The following PTPRB variants were observed in gnomAD, a reference collection of about 807,000 sequenced individuals.
The protein encoded by PTPRB is receptor-type tyrosine-protein phosphatase beta.
A neutral mutation model predicts 238.1 loss-of-function variants in PTPRB; 97 were observed. The ratio of observed to expected loss-of-function variants is 0.41; its 90% CI spans 0.35 to 0.48. The LOEUF (loss-of-function observed/expected upper bound fraction) is 0.48, where lower values mean the gene tolerates loss of function less well. Ranked by LOEUF, PTPRB falls within the 20% of genes least tolerant of loss-of-function variation. The probability of loss-of-function intolerance (pLI) is 0.30; values close to 1 mark genes in which losing one functional copy is unlikely to be tolerated. For synonymous variants in PTPRB, 970 were observed against 995.4 expected (o/e 0.97, Z 0.48); for missense variants, 2,292 against 2,681.9 (o/e 0.85, Z 3.21).
intron 9 of PTPRB, among the ~76,000 whole-genome samples, chr12:70,584,300 C>A (rs766308526): frequency 2.0e-5 from 3 of 151,742 alleles, no homozygotes; most frequent in Non-Finnish European, 4.4e-5. Context: ...TCTAGAATAC[C>A]AGAAGATGAC....
intron 3 of PTPRB, among the ~76,000 whole-genome samples, chr12:70,619,140 G>A (rs1422376512): frequency 6.7e-6 from 1 of 148,672 alleles, no homozygotes; most frequent in East Asian, 2.0e-4. Context: ...GAGAATATGT[G>A]ACTAGATGTT....
intron 21 of PTPRB, among the ~76,000 whole-genome samples, chr12:70,551,656 T>A (rs1876896063): frequency 6.6e-6 from 1 of 152,064 alleles, no homozygotes; most frequent in South Asian, 2.1e-4. Context: ...AAAACCTAAT[T>A]TACTGCCATA....
intron 4 of PTPRB, among the ~76,000 whole-genome samples, chr12:70,600,409 G>GT (rs1565998804): frequency 2.0e-5 from 3 of 151,922 alleles, no homozygotes; most frequent in African/African-American, 7.3e-5. Flanking sequence ...CCTAGTGTGG[G>GT]AAATGATGTC....
At chr12:70,533,032 A>G (rs1417330946) in intron 31 of PTPRB, among the ~76,000 whole-genome samples, 1 of 152,150 alleles carries the variant, frequency 6.6e-6, no homozygotes, top group Non-Finnish European at 1.5e-5. Flanking sequence ...CTATTAAAAC[A>G]TGTGTTGCAA....
chr12:70,539,173 GC>G (rs1254974315), intron 26 of PTPRB, 159 bp from the exon 27 acceptor site: 9 of 638,982 alleles, frequency 1.4e-5, no homozygotes, highest in African/African-American at 1.3e-4. Context: ...CCCCACAACA[GC>G]CCCACAAGGG....
chr12:70,590,970 G>T (rs1203952310), intron 7 of PTPRB, among the ~76,000 whole-genome samples: 6 of 138,528 alleles, frequency 4.3e-5, no homozygotes, highest in African/African-American at 1.3e-4. Flanking sequence ...TTGAGACAGG[G>T]TCACACTCTA....
In PTPRB at chr12:70,547,416, G is replaced by A. The variant is rs542210170; in HGVS notation, c.5388-2753C>T. On this transcript the variant is annotated intron_variant, in intron 21 of 33. Coordinates refer to ENST00000334414, the MANE Select transcript of PTPRB (RefSeq NM_001109754.4). ...ATAACACCAATGCCTTGGCAAATAT[G>A]TTGCTAATTTATTATACATTTGGAA... Among the ~76,000 whole-genome samples, 12 of 152,118 alleles carry A rather than the reference G, an allele frequency of 7.9e-5. No homozygotes were observed. In the East Asian group the frequency reaches 2.3e-3, roughly 29 times the overall value.
At chr12:70,628,496 T>C (rs1417129097) in intron 2 of PTPRB, among the ~76,000 whole-genome samples, 1 of 152,220 alleles carries the variant, frequency 6.6e-6, no homozygotes, top group Non-Finnish European at 1.5e-5. Flanking sequence ...GTGAATGTTT[T>C]TGAAACCAGT....
chr12:70,595,905 C>A, intron 5 of PTPRB, 144 bp downstream of exon 5: 1 of 784,908 alleles, frequency 1.3e-6, no homozygotes, highest in South Asian at 2.7e-5. Context: ...TCCACTGTAT[C>A]CCACAAGCTC....
In PTPRB at chr12:70,596,253, G is replaced by C; in HGVS notation, c.1054C>G (p.Pro352Ala). The change falls in exon 5 of 34, where the codon CCT becomes GCT. Residue 352 changes from proline to alanine, a missense_variant. By Grantham distance (27) the Pro-to-Ala change is conservative. Transcript: ENST00000334414. ...TSTSLHVWWT[P>A]SSGKVTSYEV... ...TATGAGGTGACTTTTCCGGAAGAAG[G>C]AGTCCACCAAACATGCAAGCTGGTT... is the stretch of plus-strand genomic sequence containing the variant. 1 of 1,612,618 alleles carries C rather than the reference G, an allele frequency of 6.2e-7. No homozygotes were observed. The highest frequency in any genetic ancestry group is 8.5e-7 in the Non-Finnish European group (1 of 1,179,630).
chr12:70,588,095 C>CAAAAAAAAA (rs10558140), intron 8 of PTPRB, among the ~76,000 whole-genome samples: 7 of 104,602 alleles, frequency 6.7e-5, no homozygotes, highest in African/African-American at 1.2e-4. Context: ...GACTCTGTCT[C>CAAAAAAAAA]AAAAAAAAAA....
In PTPRB at chr12:70,566,667, T is replaced by C; in HGVS notation, c.3672A>G (p.Ala1224=). The change falls in exon 15 of 34, where the codon GCA becomes GCG. Residue 1224 remains alanine, a synonymous_variant. Transcript: ENST00000334414. ...ASVQGVIADN[A]YSSYSLIVSW... is the part of the protein sequence containing the mutation. ...TTACTATTAAGGAATAACTGCTGTA[T>C]GCATTGTCTGCAATTACTCCTTGGA... 2 of 1,614,020 alleles carry C rather than the reference T, an allele frequency of 1.2e-6. No individual in the cohort carries two copies. The highest frequency in any genetic ancestry group is 1.7e-6 in the Non-Finnish European group (2 of 1,179,894).
At chr12:70,554,084 T>C (rs1877296997) in intron 20 of PTPRB, among the ~76,000 whole-genome samples, 1 of 152,260 alleles carries the variant, frequency 6.6e-6, no homozygotes. Context: ...TCTTCAATTA[T>C]GTGGTGTGAG....
At chr12:70,620,000 G>A (rs1428173280) in intron 3 of PTPRB, among the ~76,000 whole-genome samples, 2 of 152,158 alleles carry the variant, frequency 1.3e-5, no homozygotes, top group Non-Finnish European at 2.9e-5. Context: ...ACCTCTCAGG[G>A]ATGCTCAGTC....
At chr12:70,626,350 T>C (rs1349531198) in intron 2 of PTPRB, among the ~76,000 whole-genome samples, 1 of 142,170 alleles carries the variant, frequency 7.0e-6, no homozygotes, top group Non-Finnish European at 1.5e-5. Context: ...TATCTATCTA[T>C]CTATCTATCT....
intron 8 of PTPRB, among the ~76,000 whole-genome samples, chr12:70,588,743 A>G (rs984272292): frequency 1.3e-5 from 2 of 152,212 alleles, no homozygotes; most frequent in African/African-American, 4.8e-5. Context: ...GCTTGAGGCC[A>G]GGAGTTTGAG....
intron 29 of PTPRB, among the ~76,000 whole-genome samples, chr12:70,535,248 T>G (rs1326856302): frequency 7.8e-6 from 1 of 127,418 alleles, no homozygotes; most frequent in Non-Finnish European, 1.8e-5. Flanking sequence ...TTTTTTTTTT[T>G]TTCCCCTCAG....
At chr12:70,572,156 G>C (rs1047094938) in intron 11 of PTPRB, 69 bp from the exon 12 acceptor site, 14 of 1,400,246 alleles carry the variant, frequency 1.0e-5, no homozygotes, top group Non-Finnish European at 1.4e-5. Flanking sequence ...CAGATGACAA[G>C]CTGGGACAAT....
intron 10 of PTPRB, among the ~76,000 whole-genome samples, chr12:70,578,411 A>G (rs1377527432): frequency 1.4e-5 from 2 of 145,156 alleles, no homozygotes; most frequent in African/African-American, 5.3e-5. Context: ...AATCCCTATT[A>G]TTGTGCTTTA....
Sources: allele counts gnomAD v4.1 joint callset (sites outside exome capture counted in the v4.1 genomes callset), GRCh38; gene constraint gnomAD v4.1.1; transcripts MANE v1.5; gene names NCBI Gene and HGNC (gene_info 2026-07-23, HGNC 2026-07-21).